DDR2: variants seen among roughly 807,000 people sequenced by gnomAD.
DDR2 encodes the protein discoidin domain receptor tyrosine kinase 2.
A neutral mutation model predicts 94.9 loss-of-function variants in DDR2; 27 were observed. That is an observed-to-expected ratio of 0.28 (90% CI 0.21 to 0.39). DDR2 has a LOEUF of 0.39. Among genes scored for constraint, DDR2 ranks in the 10% least tolerant of loss-of-function variants. The pLI, the probability that DDR2 is intolerant of heterozygous loss-of-function variation, is 1.00. For missense variants in DDR2, 783 were observed against 1,076.0 expected (o/e 0.73, Z 3.81); for synonymous variants, 382 against 377.2 (o/e 1.01, Z -0.15).
intron 2 of DDR2, among the ~76,000 whole-genome samples, chr1:162,715,330 T>C (rs1239428577): frequency 6.6e-6 from 1 of 152,190 alleles, no homozygotes; most frequent in Non-Finnish European, 1.5e-5. Flanking sequence ...CATTTCTATA[T>C]AGAAACATTA....
At chr1:162,697,522 C>T (rs1276686139) in intron 2 of DDR2, among the ~76,000 whole-genome samples, 1 of 152,132 alleles carries the variant, frequency 6.6e-6, no homozygotes, top group Non-Finnish European at 1.5e-5. Flanking sequence ...AGGGGATGGG[C>T]TTTTTGTTTG....
chr1:162,648,553 G>C lies in DDR2; in HGVS notation c.-191-6658G>C, dbSNP rs553922030. ...AGCAGTATGTAAGCAAATTGCAGGGGATAAGAAATCAAGTCAGGGAGACCC... is the reference window on the plus strand; with the variant it reads ...AGCAGTATGTAAGCAAATTGCAGGGCATAAGAAATCAAGTCAGGGAGACCC... On this transcript the variant is annotated intron_variant, in intron 1 of 17. Transcript: ENST00000367921. Among the ~76,000 whole-genome samples the C allele has an allele frequency of 2.6e-5, 4 of 152,270 alleles. No homozygotes were observed. In the South Asian group the frequency reaches 8.3e-4, roughly 32 times the overall value.
chr1:162,674,157 T>C (rs1207659139), intron 2 of DDR2, among the ~76,000 whole-genome samples: 1 of 152,112 alleles, frequency 6.6e-6, no homozygotes, highest in East Asian at 1.9e-4. Flanking sequence ...TTTCTATTCT[T>C]CCCAAACTCA....
intron 2 of DDR2, among the ~76,000 whole-genome samples, chr1:162,713,749 G>A (rs112842104): frequency 1.8e-4 from 2 of 11,106 alleles, no homozygotes; most frequent in African/African-American, 1.3e-4. Flanking sequence ...TTATCCTACT[G>A]GTAGACATTT....
At chr1:162,755,896 G>T in intron 7 of DDR2, 127 bp downstream of exon 7, 2 of 860,668 alleles carry the variant, frequency 2.3e-6, no homozygotes, top group East Asian at 2.6e-5. Flanking sequence ...CAAGGCATTT[G>T]GAAATAATTT....
rs139185863 is a variant in DDR2, at chr1:162,706,795, A to AG, written c.-27-12240dup. Among the ~76,000 whole-genome samples, 838 of 152,298 alleles carry AG rather than the reference A, an allele frequency of 5.5e-3. 12 individuals carry two copies. Among genetic ancestry groups the AG allele is most frequent in the African/African-American group, 0.019 (772 of 41,564 alleles). ...CTTCCTGAGTGGAGATGGAGCCTAT[A>AG]GGTGTTTAATCGCCTGGAACAAACA... On this transcript the variant is annotated intron_variant, in intron 2 of 17. Transcript: ENST00000367921.
At chr1:162,666,446 C>T (rs958362909) in intron 2 of DDR2, among the ~76,000 whole-genome samples, 3 of 152,114 alleles carry the variant, frequency 2.0e-5, no homozygotes, top group Non-Finnish European at 2.9e-5. Flanking sequence ...GTGTGAACTC[C>T]GGAAAGAGTA....
chr1:162,656,835 T>TTTG (rs1657995500), intron 2 of DDR2, among the ~76,000 whole-genome samples: 2 of 88,566 alleles, frequency 2.3e-5, no homozygotes, highest in South Asian at 3.8e-4. Context: ...CCACTGGAGT[T>TTTG]TTTTTTTTTT....
At chr1:162,754,946 ATGTGTGTC>A in intron 5 of DDR2, 91 bp downstream of exon 5, 1 of 1,511,870 alleles carries the variant, frequency 6.6e-7, no homozygotes, top group Non-Finnish European at 9.1e-7. Flanking sequence ...CTGTGTGGAT[ATGTGTGTC>A]CACAGACCAG....
chr1:162,780,013 G>A (rs1168857902), intron 17 of DDR2, 99 bp from the exon 18 acceptor site: 9 of 1,565,084 alleles, frequency 5.8e-6, no homozygotes, highest in African/African-American at 1.4e-5. Context: ...TGGGCAGGGG[G>A]CAAATCAAAC....
At chr1:162,702,131 T>C (rs148294191) in intron 2 of DDR2, among the ~76,000 whole-genome samples, 22 of 152,266 alleles carry the variant, frequency 1.4e-4, no homozygotes, top group Middle Eastern at 3.4e-3. Context: ...GATTCTCCTT[T>C]TTCTCCTCTT....
chr1:162,719,320 T>C (rs994454439), intron 3 of DDR2, 175 bp downstream of exon 3: 1 of 767,018 alleles, frequency 1.3e-6, no homozygotes, highest in African/African-American at 1.9e-5. Flanking sequence ...TTTATATATA[T>C]GTATTTTAAT....
At chr1:162,670,316 C>T (rs1363972663) in intron 2 of DDR2, among the ~76,000 whole-genome samples, 3 of 152,200 alleles carry the variant, frequency 2.0e-5, no homozygotes, top group African/African-American at 7.2e-5. Context: ...CCATGTTGGC[C>T]AGGCTGGTCT....
rs774237838 is a variant in DDR2, at chr1:162,759,781, T to G, written c.672-15T>G. 1 of 1,613,474 alleles carries G rather than the reference T, an allele frequency of 6.2e-7. No individual in the cohort carries two copies. The highest frequency in any genetic ancestry group is 1.3e-5 in the African/African-American group (1 of 74,918). ...TTTCTCTCTCCTTTTCCTCCTCTTC[T>G]CCTGGCCTGAGCAGCATGACAGAAG... On this transcript the variant is annotated splice_polypyrimidine_tract_variant and intron_variant, in intron 7 of 17. Transcript: ENST00000367921.
chr1:162,712,571 G>A (rs1232283792), intron 2 of DDR2, among the ~76,000 whole-genome samples: 2 of 152,064 alleles, frequency 1.3e-5, no homozygotes, highest in Non-Finnish European at 2.9e-5. Flanking sequence ...AGTGGGGGCA[G>A]TCCTGAGATG....
At chr1:162,696,161 C>G (rs898695626) in intron 2 of DDR2, among the ~76,000 whole-genome samples, 1 of 150,112 alleles carries the variant, frequency 6.7e-6, no homozygotes, top group Non-Finnish European at 1.5e-5. Context: ...ATCTTCTGAC[C>G]GACAGAAGAC....
intron 2 of DDR2, among the ~76,000 whole-genome samples, chr1:162,692,827 A>C (rs906438325): frequency 2.0e-5 from 3 of 152,242 alleles, no homozygotes; most frequent in Non-Finnish European, 2.9e-5. Flanking sequence ...ACCTAGCTAT[A>C]ATCCAATGAA....
chr1:162,654,458 GCAAA>G (rs954567879), intron 1 of DDR2, among the ~76,000 whole-genome samples: 13 of 151,970 alleles, frequency 8.6e-5, no homozygotes, highest in African/African-American at 3.1e-4. Flanking sequence ...GAATACAACA[GCAAA>G]CAAACAAACA....
At chr1:162,638,845 A>G (rs1656972199) in intron 1 of DDR2, among the ~76,000 whole-genome samples, 1 of 152,386 alleles carries the variant, frequency 6.6e-6, no homozygotes, top group South Asian at 2.1e-4. Flanking sequence ...CAGACAGTTT[A>G]AAATGGACAT....
Sources: allele counts gnomAD v4.1 joint callset (sites outside exome capture counted in the v4.1 genomes callset), GRCh38; gene constraint gnomAD v4.1.1; transcripts MANE v1.5; gene names NCBI Gene and HGNC (gene_info 2026-07-23, HGNC 2026-07-21).